The following ADAMTS3 variants were observed in gnomAD, a reference collection of about 807,000 sequenced individuals.
The protein encoded by ADAMTS3 is ADAM metallopeptidase with thrombospondin type 1 motif 3.
In ADAMTS3, 73 loss-of-function variants were observed where a neutral mutation model predicts 129.0. That is an observed-to-expected ratio of 0.57 (90% confidence interval 0.47 to 0.69). The LOEUF (loss-of-function observed/expected upper bound fraction) is 0.69, where lower values mean the gene tolerates loss of function less well. Among genes scored for constraint, ADAMTS3 ranks in the 30% least tolerant of loss-of-function variants. The pLI is 0.00. For synonymous variants in ADAMTS3, 477 were observed against 510.8 expected, an observed-to-expected ratio of 0.93 and a Z score of 0.89; for missense variants, 1,457 against 1,514.5, an observed-to-expected ratio of 0.96 and a Z score of 0.63.
intron 4 of ADAMTS3, among the ~76,000 whole-genome samples, chr4:72,386,033 G>A (rs1721438392): frequency 6.6e-6 from 1 of 151,894 alleles, no homozygotes; most frequent in Admixed American, 6.6e-5. Context: ...AGTTAGAGAA[G>A]ATAACATTTC....
chr4:72,532,585 G>T (rs1458236414), intron 3 of ADAMTS3, among the ~76,000 whole-genome samples: 1 of 151,784 alleles, frequency 6.6e-6, no homozygotes, highest in African/African-American at 2.4e-5. Context: ...GTTGCTTAAT[G>T]ACTAGGATAT....
chr4:72,553,514 T>C (rs1175842484), intron 2 of ADAMTS3, among the ~76,000 whole-genome samples: 3 of 152,174 alleles, frequency 2.0e-5, no homozygotes, highest in Admixed American at 2.0e-4. Context: ...GATGGGATTA[T>C]TTTTTCTCAA....
chr4:72,471,597 A>T (rs563935727), intron 3 of ADAMTS3, among the ~76,000 whole-genome samples: 1 of 152,244 alleles, frequency 6.6e-6, no homozygotes, highest in South Asian at 2.1e-4. Flanking sequence ...CCAAAACAAC[A>T]TTAAAAATGC....
chr4:72,401,494 G>C (rs574503194), intron 4 of ADAMTS3, among the ~76,000 whole-genome samples: 2 of 150,364 alleles, frequency 1.3e-5, no homozygotes, highest in African/African-American at 4.9e-5. Context: ...TTGAACTGGG[G>C]GGGTGGAGGT....
At chr4:72,440,289 T>A (rs1718073754) in intron 3 of ADAMTS3, among the ~76,000 whole-genome samples, 1 of 151,794 alleles carries the variant, frequency 6.6e-6, no homozygotes, top group Non-Finnish European at 1.5e-5. Context: ...GATATTAGTA[T>A]CTAAAAGATA....
intron 4 of ADAMTS3, among the ~76,000 whole-genome samples, chr4:72,373,956 A>G (rs1721078722): frequency 6.7e-6 from 1 of 149,600 alleles, no homozygotes; most frequent in Admixed American, 6.7e-5. Context: ...ATAATAGGAA[A>G]GTATCTGAGG....
At chr4:72,284,375 G>A (rs1202725097) in intron 21 of ADAMTS3, among the ~76,000 whole-genome samples, 1 of 151,744 alleles carries the variant, frequency 6.6e-6, no homozygotes, top group African/African-American at 2.4e-5. Flanking sequence ...AACCCAGGAG[G>A]TGGAGCTTGC....
chr4:72,282,033 T>A lies in ADAMTS3; in HGVS notation c.*1103A>T, dbSNP rs192271193. The A allele has an allele frequency of 6.6e-6, 1 of 152,310 alleles. No homozygotes were observed. Among genetic ancestry groups the A allele is most frequent in the Non-Finnish European group, 1.5e-5 (1 of 68,014 alleles). 9.4% of individuals were successfully genotyped at this position (152,310 alleles called of 1,614,324 possible). A position where few individuals can be genotyped will look rare whatever the true frequency, so the allele number is the denominator to read the frequency against. ...ATATCTCAACCATCGACATATGCTT[T>A]CTTGAACCTGCCTTCAAAGCCCCAA... On this transcript the variant is annotated 3_prime_UTR_variant, in exon 22 of 22. Coordinates refer to ENST00000286657, the MANE Select transcript of ADAMTS3 (RefSeq NM_014243.3).
intron 4 of ADAMTS3, among the ~76,000 whole-genome samples, chr4:72,351,585 A>T (rs1720439436): frequency 6.6e-6 from 1 of 151,872 alleles, no homozygotes; most frequent in Non-Finnish European, 1.5e-5. Context: ...CTTTCTCATA[A>T]AAGAATGTGA....
At position 72,382,556 on chromosome 4, in the gene ADAMTS3, A is replaced by C. The variant is rs150043091; in HGVS notation, c.661+32259T>G. ...GGTATCTACCCAAAGGAAAAGAAACAGTTTTATCAAGAAGATACCTAAACC... is the reference window on the plus strand; with the variant it reads ...GGTATCTACCCAAAGGAAAAGAAACCGTTTTATCAAGAAGATACCTAAACC... On this transcript the variant is annotated intron_variant, in intron 4 of 21. Transcript: ENST00000286657. 9.2e-4 allele frequency among the ~76,000 whole-genome samples: 140 copies of C among 152,262 alleles called. 1 individual carries two copies. The highest frequency in any genetic ancestry group is 3.1e-3 in the African/African-American group (128 of 41,574).
chr4:72,536,019 G>A (rs1202464717), intron 3 of ADAMTS3, among the ~76,000 whole-genome samples: 1 of 152,122 alleles, frequency 6.6e-6, no homozygotes, highest in Non-Finnish European at 1.5e-5. Flanking sequence ...ACCACTGAAG[G>A]AACTGTTTCC....
intron 3 of ADAMTS3, among the ~76,000 whole-genome samples, chr4:72,431,348 C>T (rs1338929089): frequency 1.3e-5 from 2 of 151,874 alleles, no homozygotes; most frequent in Non-Finnish European, 2.9e-5. Context: ...CTAGTGAGGA[C>T]AATAAACCAG....
chr4:72,516,723 A>T (rs535501759), intron 3 of ADAMTS3, among the ~76,000 whole-genome samples: 297 of 152,234 alleles, frequency 2.0e-3, no homozygotes, highest in Non-Finnish European at 3.4e-3. Flanking sequence ...TTATCAGCTT[A>T]AGGAGATTTT....
At chr4:72,313,943 G>C in intron 11 of ADAMTS3, 121 bp from the exon 12 acceptor site, 1 of 1,125,606 alleles carries the variant, frequency 8.9e-7, no homozygotes, top group Non-Finnish European at 1.3e-6. Flanking sequence ...AGGTGGAGAT[G>C]CATTTAAAAT....
chr4:72,526,785 G>C (rs1434367276), intron 3 of ADAMTS3, among the ~76,000 whole-genome samples: 2 of 140,602 alleles, frequency 1.4e-5, no homozygotes, highest in South Asian at 2.2e-4. Context: ...TATAGACAGA[G>C]AGAGAGAGAG....
chr4:72,430,463 A>G (rs1311381111), intron 3 of ADAMTS3, among the ~76,000 whole-genome samples: 1 of 151,980 alleles, frequency 6.6e-6, no homozygotes, highest in Non-Finnish European at 1.5e-5. Flanking sequence ...AGACATGTGA[A>G]TGAAGAAGCC....
At chr4:72,558,972 G>A (rs559925037) in intron 2 of ADAMTS3, among the ~76,000 whole-genome samples, 11 of 151,762 alleles carry the variant, frequency 7.2e-5, no homozygotes, top group Non-Finnish European at 1.3e-4. Flanking sequence ...ATGACAGCCT[G>A]GAGATGACAG....
intron 3 of ADAMTS3, among the ~76,000 whole-genome samples, chr4:72,417,339 T>C (rs1056953272): frequency 1.3e-5 from 2 of 152,174 alleles, no homozygotes; most frequent in African/African-American, 4.8e-5. Flanking sequence ...TTGAAAGTGA[T>C]AGGGAGGGCA....
At position 72,282,225 on chromosome 4, in the gene ADAMTS3, A is replaced by G. The variant is rs998882124; in HGVS notation, c.*911T>C. The G allele has an allele frequency of 6.6e-6, 1 of 152,190 alleles. No individual in the cohort carries two copies. Among genetic ancestry groups the G allele is most frequent in the Non-Finnish European group, 1.5e-5 (1 of 68,028 alleles). 9.4% of individuals were successfully genotyped at this position (152,190 alleles called of 1,614,324 possible). On this transcript the variant is annotated 3_prime_UTR_variant, in exon 22 of 22. Coordinates refer to ENST00000286657, the MANE Select transcript of ADAMTS3 (RefSeq NM_014243.3). ...GAAAATTAAAAAAGAACACACACAC[A>G]CAAAAACAAAGGACACCTCAACGGT...
Sources: gnomAD v4.1 joint callset for allele counts (sites outside exome capture counted in the v4.1 genomes callset) on GRCh38, gnomAD v4.1.1 for gene constraint, MANE v1.5 for transcripts, NCBI Gene and HGNC (gene_info 2026-07-23, HGNC 2026-07-21) for gene names.